Variants in BDH2 observed in about 807,000 individuals in gnomAD.
The protein encoded by BDH2 is 3-hydroxybutyrate dehydrogenase 2.
A neutral mutation model predicts 33.2 loss-of-function variants in BDH2; 24 were observed. That is an observed-to-expected ratio of 0.72 (90% CI 0.52 to 1.02). The LOEUF is 1.02. Ranked by LOEUF, BDH2 falls within the 50% of genes least tolerant of loss-of-function variation. The probability of loss-of-function intolerance (pLI) is 0.00; values close to 1 mark genes in which losing one functional copy is unlikely to be tolerated. For missense variants in BDH2, 249 were observed against 301.6 expected (o/e 0.83, Z 1.29); for synonymous variants, 81 against 101.6 (o/e 0.80, Z 1.22).
intron 4 of BDH2, among the ~76,000 whole-genome samples, chr4:103,092,028 G>A (rs1005049265): frequency 2.6e-5 from 4 of 152,188 alleles, no homozygotes; most frequent in African/African-American, 9.7e-5. Context: ...TCTGAGGGAA[G>A]CTTCCAAAAC....
At position 103,094,705 on chromosome 4, in the gene BDH2, CTT is replaced by C. The variant is rs200981512; in HGVS notation, c.151+496_151+497del. Among the ~76,000 whole-genome samples the C allele has an allele frequency of 2.0e-3, 306 of 151,726 alleles. 6 individuals are homozygous for C. The highest frequency in any genetic ancestry group is 0.016 in the East Asian group (85 of 5,180). On this transcript the variant is annotated intron_variant, in intron 3 of 9. Transcript: ENST00000296424. ...AAAAATTAAAATATTAATTTTTTAA[CTT>C]GAGTGCATGTTGAGATTATATTTTA...
intron 7 of BDH2, among the ~76,000 whole-genome samples, chr4:103,083,839 C>A (rs1208085210): frequency 1.3e-5 from 2 of 152,074 alleles, no homozygotes; most frequent in Non-Finnish European, 2.9e-5. Flanking sequence ...CTATTTTTTT[C>A]TGATGAAGCT....
Position 103,092,755 on chromosome 4 carries a change from G to A in BDH2, c.152-59C>T, listed in dbSNP as rs1347791464. On this transcript the variant is annotated intron_variant, in intron 3 of 9. Transcript: ENST00000296424. ...AATGTTTAGCCTTGAAGGTTTAGCT[G>A]TTTTGAAGTGTGAAGTGTGAAGATT... is the stretch of plus-strand genomic sequence containing the variant. 5.6e-6 allele frequency: 7 copies of A among 1,251,812 alleles called. No homozygotes were observed. In the East Asian group the frequency reaches 1.7e-4, roughly 30 times the overall value. 77.5% of individuals were successfully genotyped at this position (1,251,812 alleles called of 1,614,324 possible). A position where few individuals can be genotyped will look rare whatever the true frequency, so the allele number is the denominator to read the frequency against.
At chr4:103,082,659 C>T (rs1747578657) in intron 8 of BDH2, among the ~76,000 whole-genome samples, 1 of 152,010 alleles carries the variant, frequency 6.6e-6, no homozygotes, top group Non-Finnish European at 1.5e-5. Context: ...TGGGCTCAAG[C>T]GATCCCCCAG....
intron 8 of BDH2, 81 bp downstream of exon 8, chr4:103,082,789 CT>C (rs1176682731): frequency 2.9e-5 from 36 of 1,235,548 alleles, no homozygotes; most frequent in Non-Finnish European, 2.9e-5. Flanking sequence ...CACTTTCTGT[CT>C]CTATGAATTT....
chr4:103,093,006 T>C (rs1748188122), intron 3 of BDH2, among the ~76,000 whole-genome samples: 1 of 152,220 alleles, frequency 6.6e-6, no homozygotes, highest in Admixed American at 6.5e-5. Context: ...TGTTTCTCAG[T>C]AAGCCAGCAG....
intron 2 of BDH2, 56 bp from the exon 3 acceptor site, chr4:103,095,337 T>G: frequency 7.7e-7 from 1 of 1,296,024 alleles, no homozygotes; most frequent in Non-Finnish European, 1.1e-6. Context: ...ACTGTGCTCA[T>G]GAATGGAACA....
intron 5 of BDH2, among the ~76,000 whole-genome samples, chr4:103,089,703 C>T (rs1469006244): frequency 6.6e-6 from 1 of 152,148 alleles, no homozygotes; most frequent in African/African-American, 2.4e-5. Flanking sequence ...CCACGATGAC[C>T]TAAGCTTTCC....
chr4:103,085,790 A>T, intron 6 of BDH2: 1 of 1,312,506 alleles, frequency 7.6e-7, no homozygotes. Context: ...AAAACAAAAC[A>T]ATAAAACAGG....
At chr4:103,082,973 G>T in intron 7 of BDH2, 44 bp from the exon 8 acceptor site, 1 of 1,518,994 alleles carries the variant, frequency 6.6e-7, no homozygotes, top group Non-Finnish European at 9.1e-7. Flanking sequence ...CACTTTCACT[G>T]AAAAAGAAAT....
intron 5 of BDH2, among the ~76,000 whole-genome samples, chr4:103,090,955 G>C (rs1373186441): frequency 6.6e-6 from 1 of 152,198 alleles, no homozygotes; most frequent in African/African-American, 2.4e-5. Flanking sequence ...GCCTAGAATG[G>C]AGCCTGGCAT....
intron 2 of BDH2, among the ~76,000 whole-genome samples, chr4:103,095,784 C>G (rs1748374132): frequency 6.6e-6 from 1 of 152,132 alleles, no homozygotes; most frequent in Admixed American, 6.5e-5. Context: ...CATAATGTAA[C>G]AGAAATTGAT....
intron 5 of BDH2, among the ~76,000 whole-genome samples, chr4:103,088,105 G>A (rs746460402): frequency 1.3e-5 from 2 of 152,166 alleles, no homozygotes; most frequent in African/African-American, 2.4e-5. Context: ...AAGGAAGACA[G>A]CAGGGGAAAA....
At chr4:103,089,029 T>G (rs1747943377) in intron 5 of BDH2, among the ~76,000 whole-genome samples, 1 of 152,208 alleles carries the variant, frequency 6.6e-6, no homozygotes, top group African/African-American at 2.4e-5. Flanking sequence ...ATTTTCAACT[T>G]GTTCTCTGCC....
rs751098419 is a variant in BDH2 at position 103,082,142 on chromosome 4, G to A, written c.623C>T (p.Thr208Met). 5.1e-5 allele frequency: 82 copies of A among 1,613,980 alleles called. No homozygotes were observed. The highest frequency in any genetic ancestry group is 1.6e-4 in the South Asian group (15 of 91,078). Residue 208 changes from threonine to methionine, a missense_variant, in exon 9 of 10, where the codon ACG (threonine) becomes ATG (methionine). Transcript: ENST00000296424. ...ARNDFLKRQK[T>M]GRFATAEEIA... ...TTCTTCTGCAGTTGCGAATCTTCCC[G>A]TCTTTTGTCTCTTCAGGAAATCATT...
At chr4:103,082,284 TG>T in intron 8 of BDH2, 111 bp from the exon 9 acceptor site, 3 of 874,652 alleles carry the variant, frequency 3.4e-6, no homozygotes, top group Non-Finnish European at 5.6e-6. Context: ...GCTGCCTTGA[TG>T]AATAATCAAC....
At chr4:103,096,966 A>G (rs1748440580) in intron 1 of BDH2, among the ~76,000 whole-genome samples, 1 of 152,070 alleles carries the variant, frequency 6.6e-6, no homozygotes, top group African/African-American at 2.4e-5. Flanking sequence ...CTATGACATT[A>G]TTTGTGTCCT....
intron 5 of BDH2, among the ~76,000 whole-genome samples, chr4:103,088,457 C>T (rs1747908510): frequency 6.6e-6 from 1 of 152,170 alleles, no homozygotes; most frequent in African/African-American, 2.4e-5. Flanking sequence ...TCCATTCAAC[C>T]AAGTTCAACC....
intron 6 of BDH2, chr4:103,086,228 C>A: frequency 8.1e-7 from 1 of 1,241,642 alleles, no homozygotes; most frequent in Non-Finnish European, 1.0e-6. Flanking sequence ...GTTTGATGTT[C>A]ATTTCCATGT....
Sources: allele counts gnomAD v4.1 joint callset (sites outside exome capture counted in the v4.1 genomes callset), GRCh38; gene constraint gnomAD v4.1.1; transcripts MANE v1.5; gene names NCBI Gene and HGNC (gene_info 2026-07-23, HGNC 2026-07-21).